NAPG: variants seen among roughly 807,000 people sequenced by gnomAD.
The protein encoded by NAPG is NSF attachment protein gamma.
A neutral mutation model predicts 48.4 loss-of-function variants in NAPG; 25 were observed. That is an observed-to-expected ratio of 0.52 (90% CI 0.38 to 0.72). The LOEUF is 0.72. NAPG is among the 30% of genes least tolerant of loss of function. The pLI is 0.00. For missense variants in NAPG, 359 were observed against 372.5 expected (o/e 0.96, Z 0.30); for synonymous variants, 139 against 127.2 (o/e 1.09, Z -0.62).
At position 10,546,173 on chromosome 18, in the gene NAPG, A is replaced by G. The variant is rs2032261759; in HGVS notation, c.507-153A>G. Among the ~76,000 whole-genome samples, 1 of 152,176 alleles carries G rather than the reference A, an allele frequency of 6.6e-6. No homozygotes were observed. Among genetic ancestry groups the G allele is most frequent in the South Asian group, 2.1e-4 (1 of 4,822 alleles). ...CATTTGAAAGGTAAGCCAGATGAGC[A>G]GAGCATGTGGAAACCTGGGTCCTGG... On this transcript the variant is annotated intron_variant, in intron 8 of 11. Coordinates refer to ENST00000322897, the MANE Select transcript of NAPG (RefSeq NM_003826.3). This position sits in a 1 kb window ranked among gnomAD's most constrained non-coding sequence, Gnocchi z 4.0.
rs945930890 is a variant in NAPG at position 10,546,965 on chromosome 18, G to A, written c.585+561G>A. Among the ~76,000 whole-genome samples, 2 of 152,166 alleles carry A rather than the reference G, an allele frequency of 1.3e-5. No homozygotes were observed. The highest frequency in any genetic ancestry group is 2.9e-5 in the Non-Finnish European group (2 of 68,040). ...AGGACCCCAGTCTCTTTTGCCAGAGGAACTAGGAAAATGAGCTAGAGAGCA... is the reference window on the plus strand; with the variant it reads ...AGGACCCCAGTCTCTTTTGCCAGAGAAACTAGGAAAATGAGCTAGAGAGCA... On this transcript the variant is annotated intron_variant, in intron 9 of 11. Coordinates refer to ENST00000322897, the MANE Select transcript of NAPG (RefSeq NM_003826.3). The surrounding 1 kb of genome is among the most constrained non-coding windows in gnomAD (Gnocchi z 4.0).
At chr18:10,530,936 C>T (rs2031916266) in intron 2 of NAPG, 99 bp downstream of exon 2, 1 of 906,984 alleles carries the variant, frequency 1.1e-6, no homozygotes, top group Non-Finnish European at 1.5e-6. Flanking sequence ...TTCTATAAGG[C>T]TTTAATAGTT....
rs554654701 is a variant in NAPG, at chr18:10,542,620, A to G, written c.506+2221A>G. On this transcript the variant is annotated intron_variant, in intron 8 of 11. Transcript: ENST00000322897. This position sits in a 1 kb window ranked among gnomAD's most constrained non-coding sequence, Gnocchi z 4.5. ...TAATTTTATGCTTCACACAAGCAAC[A>G]TCTACTAATAGACTGTGTGGCATGG... is the stretch of plus-strand genomic sequence containing the variant. Among the ~76,000 whole-genome samples, 9 of 152,368 alleles carry G rather than the reference A, an allele frequency of 5.9e-5. No homozygotes were observed. Among genetic ancestry groups the G allele is most frequent in the African/African-American group, 2.2e-4 (9 of 41,588 alleles).
Position 10,548,227 on chromosome 18 carries a change from T to G in NAPG, c.586-72T>G, listed in dbSNP as rs2143149213. ...ACTCTGAAAGTTAAACTCCAGGTGT[T>G]TTCAATACTGCCAGGTTATTGACTT... On this transcript the variant is annotated intron_variant, in intron 9 of 11. Transcript: ENST00000322897. The surrounding 1 kb of genome is among the most constrained non-coding windows in gnomAD (Gnocchi z 4.4). 8.8e-6 allele frequency: 10 copies of G among 1,139,972 alleles called. No individual in the cohort carries two copies. Among genetic ancestry groups the G allele is most frequent in the South Asian group, 3.8e-5 (3 of 79,138 alleles). The allele number at this position is 1,139,972 out of a possible 1,614,324, so 70.6% of individuals were successfully genotyped here.
Position 10,548,986 on chromosome 18 carries a change from A to G in NAPG, c.685A>G (p.Ser229Gly). The G allele has an allele frequency of 1.2e-6, 2 of 1,613,850 alleles. No individual in the cohort carries two copies. The highest frequency in any genetic ancestry group is 2.7e-5 in the African/African-American group (2 of 75,058). The change falls in exon 11 of 12, where the codon AGT becomes GGT. Residue 229 changes from serine to glycine, a missense_variant. Coordinates refer to ENST00000322897, the MANE Select transcript of NAPG (RefSeq NM_003826.3). This position sits in a 1 kb window ranked among gnomAD's most constrained non-coding sequence, Gnocchi z 4.4. ...CTGCAGCATCCCTGGGTTCAATGGC[A>G]GTGAAGACTGTGCTGCCCTGGAACA... ...ESYSIPGFNG[S>G]EDCAALEQLL...
At chr18:10,530,188 C>CTTTTTTTTTTTTTTTTTTTTTTTTTT (rs58597079) in intron 1 of NAPG, among the ~76,000 whole-genome samples, 1 of 67,332 alleles carries the variant, frequency 1.5e-5, no homozygotes, top group Non-Finnish European at 2.8e-5. Flanking sequence ...CGAGTTTTCA[C>CTTTTTTTTTTTTTTTTTTTTTTTTTT]TTTTTTTTTT....
chr18:10,536,119 T>G (rs60289757), intron 5 of NAPG, among the ~76,000 whole-genome samples: 1,979 of 152,324 alleles, frequency 0.013, 37 homozygotes, highest in African/African-American at 0.045. Flanking sequence ...ACTTGAATCT[T>G]CATCAAAAGT....
rs530197302 is a variant in NAPG, at chr18:10,526,488, CTG to C, written c.56+333_56+334del. On this transcript the variant is annotated intron_variant, in intron 1 of 11. Transcript: ENST00000322897. ...TCCTGAAGATTGTGGTGGGGGCTGT[CTG>C]TGCATCGGAGGCTCGTTAGCAGCAT... The C allele has an allele frequency of 2.2e-3, 739 of 332,268 alleles. 1 individual carries two copies. Among genetic ancestry groups the C allele is most frequent in the Non-Finnish European group, 3.1e-3 (550 of 180,302 alleles). 20.6% of individuals were successfully genotyped at this position (332,268 alleles called of 1,614,324 possible). A position where few individuals can be genotyped will look rare whatever the true frequency, so the allele number is the denominator to read the frequency against.
rs915301656 is a variant in NAPG, at chr18:10,551,479, C to G, written c.*1259C>G. The stretch of plus-strand genomic sequence containing the variant: ...ATATATTGATCCTTTATAGTTATTT[C>G]CTAAAATGCTGTTTTCGAAACATTC... On this transcript the variant is annotated 3_prime_UTR_variant, in exon 12 of 12. Coordinates refer to ENST00000322897, the MANE Select transcript of NAPG (RefSeq NM_003826.3). The G allele has an allele frequency of 3.9e-5, 6 of 152,292 alleles. No individual in the cohort carries two copies. Among genetic ancestry groups the G allele is most frequent in the Admixed American group, 2.6e-4 (4 of 15,304 alleles). 9.4% of individuals were successfully genotyped at this position (152,292 alleles called of 1,614,324 possible).
intron 1 of NAPG, chr18:10,526,758 C>G (rs1008650345): frequency 2.0e-5 from 3 of 152,680 alleles, no homozygotes; most frequent in Admixed American, 6.5e-5. Context: ...CCTGCCACCT[C>G]TGGTACAGTA....
Position 10,526,095 on chromosome 18 carries a change from C to T in NAPG, c.-8C>T. ...CCCTCTCTCCACGTCAGAGACCTGA[C>T]TGTGGAGATGGCGGCTCAGAAGATA... is the stretch of plus-strand genomic sequence containing the variant. On this transcript the variant is annotated 5_prime_UTR_variant, in exon 1 of 12. Coordinates refer to ENST00000322897, the MANE Select transcript of NAPG (RefSeq NM_003826.3). The T allele has an allele frequency of 1.2e-6, 2 of 1,612,928 alleles. No individual in the cohort carries two copies. The highest frequency in any genetic ancestry group is 8.5e-7 in the Non-Finnish European group (1 of 1,179,004).
chr18:10,526,239 C>CTTTAGCACCGGGGGGGGGG, intron 1 of NAPG, 81 bp downstream of exon 1: 1 of 349,042 alleles, frequency 2.9e-6, no homozygotes, highest in Non-Finnish European at 5.8e-6. Flanking sequence ...CCGGGGGGGG[C>CTTTAGCACCGGGGGGGGGG]GGGAGGGAGG....
At chr18:10,549,286 T>C (rs2032335359) in intron 11 of NAPG, among the ~76,000 whole-genome samples, 190 bp downstream of exon 11, 1 of 152,230 alleles carries the variant, frequency 6.6e-6, no homozygotes, top group African/African-American at 2.4e-5. Flanking sequence ...TAGATGTTAG[T>C]TGTGTGGTGT....
Position 10,539,654 on chromosome 18 carries a change from A to T in NAPG, c.259-108A>T, listed in dbSNP as rs969728479. On this transcript the variant is annotated intron_variant, in intron 5 of 11. Coordinates refer to ENST00000322897, the MANE Select transcript of NAPG (RefSeq NM_003826.3). This position sits in a 1 kb window ranked among gnomAD's most constrained non-coding sequence, Gnocchi z 4.7. ...TGTAACAAACCTGCACATTCTGCAC[A>T]TGTGTCCCAGAACTTAAAATAAAAA... 4.6e-6 allele frequency: 4 copies of T among 877,856 alleles called. No individual in the cohort carries two copies. The highest frequency in any genetic ancestry group is 5.3e-5 in the East Asian group (2 of 37,962). 54.4% of individuals were successfully genotyped at this position (877,856 alleles called of 1,614,324 possible).
At position 10,551,444 on chromosome 18, in the gene NAPG, C is replaced by T. The variant is rs888242553; in HGVS notation, c.*1224C>T. 9 of 152,176 alleles carry T rather than the reference C, an allele frequency of 5.9e-5. No homozygotes were observed. Among genetic ancestry groups the T allele is most frequent in the Admixed American group, 2.0e-4 (3 of 15,274 alleles). The allele number at this position is 152,176 out of a possible 1,614,324, so 9.4% of individuals were successfully genotyped here. A position where few individuals can be genotyped will look rare whatever the true frequency, so the allele number is the denominator to read the frequency against. On this transcript the variant is annotated 3_prime_UTR_variant, in exon 12 of 12. Transcript: ENST00000322897. ...TTTAGAAAGACAATATTTAAAACAC[C>T]GCACTGCCAATATATTGATCCTTTA...
At chr18:10,540,686 A>T (rs1333949674) in intron 8 of NAPG, 2 of 272,540 alleles carry the variant, frequency 7.3e-6, no homozygotes, top group Non-Finnish European at 1.4e-5. Context: ...TTCATCTGTT[A>T]CTTGGTTGGA....
At position 10,543,344 on chromosome 18, in the gene NAPG, G is replaced by A. The variant is rs1378233884; in HGVS notation, c.506+2945G>A. ...GTCACTAGATCCTAAACACAAGGAGGGTTGGGTGTGTATATGTTCAGGGGT... is the reference window on the plus strand; with the variant it reads ...GTCACTAGATCCTAAACACAAGGAGAGTTGGGTGTGTATATGTTCAGGGGT... On this transcript the variant is annotated intron_variant, in intron 8 of 11. Transcript: ENST00000322897. The surrounding 1 kb of genome is among the most constrained non-coding windows in gnomAD (Gnocchi z 4.4). Among the ~76,000 whole-genome samples, 1 of 152,054 alleles carries A rather than the reference G, an allele frequency of 6.6e-6. No homozygotes were observed. The highest frequency in any genetic ancestry group is 1.9e-4 in the East Asian group (1 of 5,182).
chr18:10,529,153 T>C (rs1457265341), intron 1 of NAPG, among the ~76,000 whole-genome samples: 1 of 152,244 alleles, frequency 6.6e-6, no homozygotes, highest in Admixed American at 6.5e-5. Flanking sequence ...TCTTTCCGTG[T>C]ATAGCACATT....
rs193125807 is a variant in NAPG at position 10,538,295 on chromosome 18, C to T, written c.259-1467C>T. ...TTTGGAAGTGAAGAGCGGGGAGAAG[C>T]GCCAGGAGGTGCATGCTCATGTGGC... is the stretch of plus-strand genomic sequence containing the variant. On this transcript the variant is annotated intron_variant, in intron 5 of 11. Transcript: ENST00000322897. Among the ~76,000 whole-genome samples the T allele has an allele frequency of 1.2e-3, 187 of 152,212 alleles. 2 individuals are homozygous for T. Among genetic ancestry groups the T allele is most frequent in the African/African-American group, 4.0e-3 (168 of 41,526 alleles).
Sources: gnomAD v4.1 joint callset for allele counts (sites outside exome capture counted in the v4.1 genomes callset) on GRCh38, gnomAD v4.1.1 for gene constraint, Gnocchi (gnomAD v3.1) non-coding constraint, MANE v1.5 for transcripts, NCBI Gene and HGNC (gene_info 2026-07-23, HGNC 2026-07-21) for gene names.